CAPZA1: variants seen among roughly 807,000 people sequenced by gnomAD.
CAPZA1 encodes the protein F-actin-capping protein subunit alpha-1.
In CAPZA1, 10 loss-of-function variants were observed where a neutral mutation model predicts 40.8. The ratio of observed to expected loss-of-function variants is 0.25; its 90% confidence interval spans 0.15 to 0.42. The LOEUF (loss-of-function observed/expected upper bound fraction) is 0.42, where lower values mean the gene tolerates loss of function less well. CAPZA1 is among the 10% of genes least tolerant of loss of function. CAPZA1 has a pLI of 1.00. For synonymous variants in CAPZA1, 98 were observed against 115.0 expected (o/e 0.85, Z 0.95); for missense variants, 277 against 353.8 (o/e 0.78, Z 1.74).
intron 7 of CAPZA1, among the ~76,000 whole-genome samples, chr1:112,664,962 T>C (rs1056283386): frequency 1.3e-5 from 2 of 151,892 alleles, no homozygotes; most frequent in African/African-American, 4.8e-5. Flanking sequence ...TGAGGGAATA[T>C]AAGTAATAGT....
At chr1:112,640,706 C>G (rs957328093) in intron 1 of CAPZA1, among the ~76,000 whole-genome samples, 4 of 152,248 alleles carry the variant, frequency 2.6e-5, no homozygotes, top group Admixed American at 2.6e-4. Context: ...TGGCCACCGC[C>G]CCGTCTGGGA....
chr1:112,646,020 T>C (rs895718992), intron 1 of CAPZA1, among the ~76,000 whole-genome samples: 2 of 150,700 alleles, frequency 1.3e-5, no homozygotes, highest in African/African-American at 4.9e-5. Context: ...TATTAATGGA[T>C]TGGAGTAGAG....
chr1:112,640,756 A>G (rs1430752443), intron 1 of CAPZA1, among the ~76,000 whole-genome samples: 1 of 152,254 alleles, frequency 6.6e-6, no homozygotes, highest in Non-Finnish European at 1.5e-5. Flanking sequence ...CCAGGATGAC[A>G]ATGGCGGCTT....
chr1:112,663,828 T>G (rs1248455410), intron 7 of CAPZA1, among the ~76,000 whole-genome samples: 2 of 152,184 alleles, frequency 1.3e-5, no homozygotes, highest in African/African-American at 4.8e-5. Flanking sequence ...ATATTGTCTT[T>G]TCTTCTTTAA....
At chr1:112,638,254 G>A (rs1382510485) in intron 1 of CAPZA1, among the ~76,000 whole-genome samples, 1 of 152,148 alleles carries the variant, frequency 6.6e-6, no homozygotes, top group African/African-American at 2.4e-5. Flanking sequence ...GTAGCTGTAA[G>A]TCTAGGAGCT....
intron 7 of CAPZA1, among the ~76,000 whole-genome samples, chr1:112,665,263 G>A (rs558894487): frequency 2.1e-5 from 3 of 144,006 alleles, no homozygotes; most frequent in Admixed American, 7.2e-5. Flanking sequence ...TGCAACCTCC[G>A]CCTCCTGGGT....
chr1:112,623,593 A>AT (rs1352079563), intron 1 of CAPZA1, among the ~76,000 whole-genome samples: 1 of 151,954 alleles, frequency 6.6e-6, no homozygotes, highest in African/African-American at 2.4e-5. Flanking sequence ...AGGCAGGAGA[A>AT]TCGCTGGAAC....
intron 2 of CAPZA1, among the ~76,000 whole-genome samples, chr1:112,648,532 G>A (rs1671327336): frequency 1.3e-5 from 2 of 150,966 alleles, no homozygotes; most frequent in South Asian, 4.2e-4. Context: ...TGGCCAGGAT[G>A]GTCTCGATCT....
At chr1:112,622,112 A>G (rs1462955303) in intron 1 of CAPZA1, among the ~76,000 whole-genome samples, 1 of 151,524 alleles carries the variant, frequency 6.6e-6, no homozygotes, top group Non-Finnish European at 1.5e-5. Flanking sequence ...CTTCTAGCAT[A>G]CTTTTTTTGT....
intron 7 of CAPZA1, chr1:112,666,791 C>G (rs1028417212): frequency 3.5e-6 from 1 of 283,600 alleles, no homozygotes; most frequent in Admixed American, 4.9e-5. Context: ...CCTTTGTATT[C>G]ACAATGCCTA....
At chr1:112,665,968 T>A (rs1417788971) in intron 7 of CAPZA1, among the ~76,000 whole-genome samples, 2 of 152,198 alleles carry the variant, frequency 1.3e-5, no homozygotes, top group Non-Finnish European at 2.9e-5. Context: ...AAAACATTCC[T>A]TTTCCCGTGT....
chr1:112,661,609 A>C (rs1476495895), intron 7 of CAPZA1, among the ~76,000 whole-genome samples: 1 of 152,186 alleles, frequency 6.6e-6, no homozygotes, highest in Non-Finnish European at 1.5e-5. Flanking sequence ...AGCGCTCTAG[A>C]TCTCTTGTAA....
chr1:112,630,194 G>C (rs1215105747), intron 1 of CAPZA1, among the ~76,000 whole-genome samples: 1 of 151,804 alleles, frequency 6.6e-6, no homozygotes, highest in South Asian at 2.1e-4. Flanking sequence ...CTGCAGGCAC[G>C]CAACTAATTT....
chr1:112,659,892 G>T, intron 7 of CAPZA1, 113 bp downstream of exon 7: 1 of 732,724 alleles, frequency 1.4e-6, no homozygotes, highest in Non-Finnish European at 2.3e-6. Context: ...GAGACTGATG[G>T]CAGTGAATAG....
At chr1:112,666,132 G>A (rs1482538163) in intron 7 of CAPZA1, among the ~76,000 whole-genome samples, 1 of 152,090 alleles carries the variant, frequency 6.6e-6, no homozygotes, top group African/African-American at 2.4e-5. Context: ...TTTATAAGGT[G>A]CTTTGTTCTT....
In CAPZA1 at chr1:112,659,146, G is replaced by T. The variant is rs758178402; in HGVS notation, c.506+45G>T. The T allele has an allele frequency of 8.4e-6, 11 of 1,308,792 alleles. No homozygotes were observed. The East Asian group carries it at 2.5e-4, about 30-fold the overall frequency. 81.1% of individuals were successfully genotyped at this position (1,308,792 alleles called of 1,614,324 possible). ...TTCTATTTACATCTGAAAGAAACCAGCAGTTGAGACTTGGTTTTTAATCCA... is the reference window on the plus strand; with the variant it reads ...TTCTATTTACATCTGAAAGAAACCATCAGTTGAGACTTGGTTTTTAATCCA... On this transcript the variant is annotated intron_variant, in intron 6 of 9. Transcript: ENST00000263168.
At chr1:112,647,648 AC>A (rs1671306879) in intron 2 of CAPZA1, among the ~76,000 whole-genome samples, 1 of 152,208 alleles carries the variant, frequency 6.6e-6, no homozygotes, top group Non-Finnish European at 1.5e-5. Flanking sequence ...GATATGGAAC[AC>A]TTTTTTGGGC....
At chr1:112,653,710 C>A in intron 4 of CAPZA1, 49 bp downstream of exon 4, 1 of 1,255,860 alleles carries the variant, frequency 8.0e-7, no homozygotes, top group Non-Finnish European at 1.1e-6. Flanking sequence ...AGTAGAGATC[C>A]TATTAATGGA....
Position 112,670,002 on chromosome 1 carries a change from G to A in CAPZA1, c.731G>A (p.Ser244Asn), listed in dbSNP as rs1331930658. ...NAENEYQTAISENYQTMSDTT... is the reference protein window; with the variant it reads ...NAENEYQTAINENYQTMSDTT... ...AATTATCTATTGCAGACAGCAATTAGTGAAAACTATCAAACAATGTCAGAT... is the reference window on the plus strand; with the variant it reads ...AATTATCTATTGCAGACAGCAATTAATGAAAACTATCAAACAATGTCAGAT... The change falls in exon 10 of 10, where the codon AGT (serine) becomes AAT (asparagine). Residue 244 changes from serine to asparagine, a missense_variant. Transcript: ENST00000263168. 2 of 1,613,680 alleles carry A rather than the reference G, an allele frequency of 1.2e-6. No individual in the cohort carries two copies. The highest frequency in any genetic ancestry group is 1.7e-6 in the Non-Finnish European group (2 of 1,179,832).
Sources: allele counts gnomAD v4.1 joint callset (sites outside exome capture counted in the v4.1 genomes callset), GRCh38; gene constraint gnomAD v4.1.1; transcripts MANE v1.5; gene names NCBI Gene and HGNC (gene_info 2026-07-23, HGNC 2026-07-21).